OTUD7A: variants seen among roughly 807,000 people sequenced by gnomAD.
OTUD7A encodes OTU deubiquitinase 7A, also known as OTU domain-containing protein 7A.
In OTUD7A, 12 loss-of-function variants were observed where a neutral mutation model predicts 65.7. That is an observed-to-expected ratio of 0.18 (90% CI 0.12 to 0.30). The LOEUF is 0.30. Ranked by LOEUF, OTUD7A falls within the 10% of genes least tolerant of loss-of-function variation. OTUD7A has a pLI of 1.00. For missense variants in OTUD7A, 1,148 were observed against 1,304.8 expected (o/e 0.88, Z 1.85); for synonymous variants, 641 against 586.3 (o/e 1.09, Z -1.35).
chr15:31,769,396 A>C (rs1306760204), intron 1 of OTUD7A, among the ~76,000 whole-genome samples: 4 of 152,246 alleles, frequency 2.6e-5, no homozygotes, highest in African/African-American at 4.8e-5. Flanking sequence ...CCTGGAATAC[A>C]GTTGGGCAGT....
At chr15:31,493,527 T>C (rs1211006044) in intron 10 of OTUD7A, among the ~76,000 whole-genome samples, 1 of 152,214 alleles carries the variant, frequency 6.6e-6, no homozygotes, top group Non-Finnish European at 1.5e-5. Context: ...CTCAGAGAAT[T>C]TGAGGTAATT....
At chr15:31,788,483 G>C (rs554403630) in intron 1 of OTUD7A, among the ~76,000 whole-genome samples, 5 of 152,208 alleles carry the variant, frequency 3.3e-5, no homozygotes, top group Non-Finnish European at 7.3e-5. Context: ...TGGGCAAAGA[G>C]AACAACCTAG....
At chr15:31,552,027 G>C (rs1013037021) in intron 5 of OTUD7A, among the ~76,000 whole-genome samples, 5 of 152,182 alleles carry the variant, frequency 3.3e-5, no homozygotes, top group African/African-American at 1.2e-4. Context: ...GGGTGGATTC[G>C]TCATGAATGG....
intron 1 of OTUD7A, among the ~76,000 whole-genome samples, chr15:31,661,574 A>G (rs1892165307): frequency 6.6e-6 from 1 of 152,260 alleles, no homozygotes; most frequent in Non-Finnish European, 1.5e-5. Flanking sequence ...TTCTTAGCCA[A>G]CCATGCTTCT....
chr15:31,794,300 T>C (rs1034862535), intron 1 of OTUD7A, among the ~76,000 whole-genome samples: 2 of 152,244 alleles, frequency 1.3e-5, no homozygotes, highest in African/African-American at 4.8e-5. Context: ...TCAATCACTA[T>C]AGATTTGCAG....
chr15:31,526,976 G>C (rs895222720), intron 7 of OTUD7A, among the ~76,000 whole-genome samples: 1 of 152,230 alleles, frequency 6.6e-6, no homozygotes, highest in African/African-American at 2.4e-5. Flanking sequence ...TGGACGCATA[G>C]TTGCTGTCTG....
At chr15:31,616,606 G>A (rs569597590) in intron 3 of OTUD7A, among the ~76,000 whole-genome samples, 44 of 152,156 alleles carry the variant, frequency 2.9e-4, no homozygotes, top group African/African-American at 8.0e-4. Flanking sequence ...GTGCAGTGGC[G>A]CAATCTTGGC....
chr15:31,627,999 G>C (rs1019745369), intron 3 of OTUD7A, among the ~76,000 whole-genome samples: 3 of 152,030 alleles, frequency 2.0e-5, no homozygotes, highest in Admixed American at 1.3e-4. Flanking sequence ...CTAGCCCTTT[G>C]TCAGATGAGT....
chr15:31,794,734 T>C (rs1200377246), intron 1 of OTUD7A, among the ~76,000 whole-genome samples: 1 of 152,086 alleles, frequency 6.6e-6, no homozygotes, highest in African/African-American at 2.4e-5. Context: ...GTCTGGGGGA[T>C]GCTCCTTCCC....
At position 31,769,183 on chromosome 15, in the gene OTUD7A, A is replaced by G. The variant is rs560430335; in HGVS notation, c.-100+101324T>C. ...TGATGGCCAAAGATATGTCATGAAA[A>G]CATTAATGGAATCAAAGCTACAGTA... On this transcript the variant is annotated intron_variant, in intron 1 of 12. Transcript: ENST00000307050. Among the ~76,000 whole-genome samples, 19 of 152,368 alleles carry G rather than the reference A, an allele frequency of 1.2e-4. No homozygotes were observed. In the South Asian group the frequency reaches 3.5e-3, roughly 28 times the overall value.
chr15:31,802,103 A>ATGTG (rs1255794707), intron 1 of OTUD7A, among the ~76,000 whole-genome samples: 21 of 35,546 alleles, frequency 5.9e-4, no homozygotes, highest in East Asian at 5.6e-3. Context: ...GTGTGTATAT[A>ATGTG]TGTGTGTGTG....
chr15:31,676,607 C>T (rs952014974), intron 1 of OTUD7A, among the ~76,000 whole-genome samples: 1 of 152,112 alleles, frequency 6.6e-6, no homozygotes, highest in Non-Finnish European at 1.5e-5. Context: ...GTCAAGAGAA[C>T]CTGAAAGATG....
At chr15:31,619,319 C>T (rs909679731) in intron 3 of OTUD7A, among the ~76,000 whole-genome samples, 29 of 152,244 alleles carry the variant, frequency 1.9e-4, no homozygotes, top group South Asian at 8.3e-4. Context: ...AAGAAAGTCA[C>T]TGGTAGCTTG....
chr15:31,795,396 TCAG>T (rs1318943540), intron 1 of OTUD7A, among the ~76,000 whole-genome samples: 1 of 152,238 alleles, frequency 6.6e-6, no homozygotes, highest in African/African-American at 2.4e-5. Flanking sequence ...TTCATGGGTC[TCAG>T]CCATTGTGAA....
intron 1 of OTUD7A, among the ~76,000 whole-genome samples, chr15:31,735,320 G>A (rs547263433): frequency 1.6e-4 from 25 of 152,234 alleles, no homozygotes; most frequent in African/African-American, 5.1e-4. Flanking sequence ...GAGGTCAGGG[G>A]TTCAAGACCA....
chr15:31,836,954 T>C (rs764470097), intron 1 of OTUD7A, among the ~76,000 whole-genome samples: 4 of 152,206 alleles, frequency 2.6e-5, no homozygotes, highest in South Asian at 2.1e-4. Context: ...ATTCTCACCA[T>C]TGCTATTCCA....
chr15:31,860,677 G>GTGTGTATATA (rs560896384), intron 1 of OTUD7A, among the ~76,000 whole-genome samples: 23 of 73,282 alleles, frequency 3.1e-4, no homozygotes, highest in African/African-American at 6.0e-4. Flanking sequence ...ATGTATGTGT[G>GTGTGTATATA]TATATATATA....
At chr15:31,564,548 C>T (rs577620545) in intron 4 of OTUD7A, among the ~76,000 whole-genome samples, 2 of 151,748 alleles carry the variant, frequency 1.3e-5, no homozygotes, top group South Asian at 4.2e-4. Context: ...ATGTATTTTG[C>T]AGGGGAAAAT....
chr15:31,570,738 G>A (rs1184031253), intron 3 of OTUD7A, among the ~76,000 whole-genome samples: 2 of 152,156 alleles, frequency 1.3e-5, no homozygotes, highest in Non-Finnish European at 2.9e-5. Context: ...CCTGCACCAG[G>A]TGTGATGCCA....
Sources: gnomAD v4.1 joint callset for allele counts (sites outside exome capture counted in the v4.1 genomes callset) on GRCh38, gnomAD v4.1.1 for gene constraint, MANE v1.5 for transcripts, NCBI Gene and HGNC (gene_info 2026-07-23, HGNC 2026-07-21) for gene names.